CSMD3: variants seen among roughly 807,000 people sequenced by gnomAD.
CSMD3 encodes CUB and sushi domain-containing protein 3.
In CSMD3, 177 loss-of-function variants were observed where a neutral mutation model predicts 435.2. The ratio of observed to expected loss-of-function variants is 0.41; its 90% CI spans 0.36 to 0.46. The LOEUF (loss-of-function observed/expected upper bound fraction) is 0.46, where lower values mean the gene tolerates loss of function less well. Ranked by LOEUF, CSMD3 falls within the 20% of genes least tolerant of loss-of-function variation. The pLI, the probability that CSMD3 is intolerant of heterozygous loss-of-function variation, is 0.34. For missense variants in CSMD3, 4,265 were observed against 4,504.6 expected, an observed-to-expected ratio of 0.95 and a Z score of 1.52; for synonymous variants, 1,656 against 1,520.5, an observed-to-expected ratio of 1.09 and a Z score of -2.07.
intron 24 of CSMD3, among the ~76,000 whole-genome samples, chr8:112,561,117 G>T (rs969686508): frequency 1.3e-5 from 2 of 151,614 alleles, no homozygotes; most frequent in African/African-American, 2.4e-5. Context: ...ACATAATTTT[G>T]TCCAAATTGG....
chr8:112,363,927 T>C (rs1827502732), intron 38 of CSMD3, among the ~76,000 whole-genome samples: 1 of 152,060 alleles, frequency 6.6e-6, no homozygotes, highest in African/African-American at 2.4e-5. Context: ...TTATGAATGT[T>C]GATGTGCATA....
intron 10 of CSMD3, among the ~76,000 whole-genome samples, chr8:112,897,694 C>CTGTGTGTGTGTGTG (rs375797134): frequency 3.4e-3 from 313 of 91,018 alleles, no homozygotes; most frequent in African/African-American, 0.013. Flanking sequence ...CTCTCTCTCT[C>CTGTGTGTGTGTGTG]TGTGTGTGTG....
chr8:113,377,301 T>G, intron 1 of CSMD3: 1 of 204,488 alleles, frequency 4.9e-6, no homozygotes, highest in Non-Finnish European at 9.7e-6. Flanking sequence ...AATAAAGAAG[T>G]TTACCTTCAT....
chr8:112,783,214 A>C (rs1387493665), intron 13 of CSMD3, among the ~76,000 whole-genome samples: 1 of 151,820 alleles, frequency 6.6e-6, no homozygotes, highest in Admixed American at 6.6e-5. Context: ...AGTTTTTATC[A>C]GTTTTCTTTC....
intron 30 of CSMD3, among the ~76,000 whole-genome samples, chr8:112,498,498 G>T (rs1313859601): frequency 6.6e-6 from 1 of 152,072 alleles, no homozygotes; most frequent in Non-Finnish European, 1.5e-5. Flanking sequence ...TTTAGTAAGG[G>T]CTACATGGTG....
At chr8:112,260,986 C>A (rs2130349735) in intron 61 of CSMD3, among the ~76,000 whole-genome samples, 1 of 152,176 alleles carries the variant, frequency 6.6e-6, no homozygotes, top group African/African-American at 2.4e-5. Context: ...ATTACAGTAC[C>A]TAGAAGGAGC....
chr8:112,545,355 C>A lies in CSMD3; in HGVS notation c.4564+5316G>T, dbSNP rs368199879. On this transcript the variant is annotated intron_variant, in intron 27 of 70. Transcript: ENST00000297405. ...AAAATTATCTGGGCCTGGTGGCACG[C>A]GCCTGTAATCCCAGCTATTCGGGAG... is the stretch of plus-strand genomic sequence containing the variant. Among the ~76,000 whole-genome samples the A allele has an allele frequency of 1.8e-4, 28 of 151,376 alleles. No homozygotes were observed. The East Asian group carries it at 4.9e-3, about 26-fold the overall frequency.
intron 9 of CSMD3, among the ~76,000 whole-genome samples, chr8:112,935,082 T>C (rs192699987): frequency 2.0e-5 from 3 of 152,216 alleles, no homozygotes; most frequent in African/African-American, 7.2e-5. Context: ...ATTTTTGATG[T>C]GAGATAAGGG....
At chr8:112,728,031 A>T (rs1395882677) in intron 13 of CSMD3, among the ~76,000 whole-genome samples, 1 of 151,872 alleles carries the variant, frequency 6.6e-6, no homozygotes, top group East Asian at 1.9e-4. Flanking sequence ...TCCAACAGGC[A>T]TTTTCTTGTT....
intron 39 of CSMD3, among the ~76,000 whole-genome samples, chr8:112,352,134 T>TAAAAGACTTTAATCTA (rs1365999168): frequency 9.2e-5 from 14 of 152,156 alleles, no homozygotes; most frequent in African/African-American, 3.4e-4. Flanking sequence ...ATTTTTACTT[T>TAAAAGACTTTAATCTA]AAAAGACTTT....
rs187505728 is a variant in CSMD3 at position 112,968,561 on chromosome 8, G to C, written c.1342+7276C>G. Among the ~76,000 whole-genome samples the C allele has an allele frequency of 3.6e-3, 546 of 151,828 alleles. 7 individuals carry two copies. The highest frequency in any genetic ancestry group is 0.013 in the African/African-American group (522 of 41,496). On this transcript the variant is annotated intron_variant, in intron 7 of 70. Coordinates refer to ENST00000297405, the MANE Select transcript of CSMD3 (RefSeq NM_198123.2). ...ACACTAAATTCTACAACCTATGCCAGAGGACAGATTTAATCTCTCTTACAC... is the reference window on the plus strand; with the variant it reads ...ACACTAAATTCTACAACCTATGCCACAGGACAGATTTAATCTCTCTTACAC...
chr8:112,649,096 G>T (rs1277564309), intron 19 of CSMD3, among the ~76,000 whole-genome samples: 1 of 152,202 alleles, frequency 6.6e-6, no homozygotes, highest in Non-Finnish European at 1.5e-5. Flanking sequence ...AAGCCTGTCT[G>T]CAGCGTAAGA....
chr8:112,699,064 T>C (rs1312589720), intron 13 of CSMD3, among the ~76,000 whole-genome samples: 1 of 152,046 alleles, frequency 6.6e-6, no homozygotes, highest in Non-Finnish European at 1.5e-5. Context: ...AGGATGTGGG[T>C]GGGGCCAAAT....
At chr8:112,916,878 G>A (rs1422072950) in intron 10 of CSMD3, among the ~76,000 whole-genome samples, 1 of 151,862 alleles carries the variant, frequency 6.6e-6, no homozygotes, top group Non-Finnish European at 1.5e-5. Context: ...GGGTCACTGA[G>A]CTAAACACTG....
intron 13 of CSMD3, among the ~76,000 whole-genome samples, chr8:112,745,196 T>C (rs2077399273): frequency 6.6e-6 from 1 of 151,968 alleles, no homozygotes; most frequent in Non-Finnish European, 1.5e-5. Flanking sequence ...CTGTTGAGTG[T>C]TTTCTCAAGA....
At chr8:112,652,061 C>T (rs1477840039) in intron 18 of CSMD3, among the ~76,000 whole-genome samples, 3 of 152,100 alleles carry the variant, frequency 2.0e-5, no homozygotes, top group South Asian at 2.1e-4. Context: ...GTTGGACATA[C>T]GTATAGCCAA....
At chr8:112,967,596 C>T (rs375773084) in intron 7 of CSMD3, among the ~76,000 whole-genome samples, 2 of 151,922 alleles carry the variant, frequency 1.3e-5, no homozygotes, top group East Asian at 3.9e-4. Flanking sequence ...TAAATTTTAA[C>T]TCCCCAGAGT....
intron 66 of CSMD3, among the ~76,000 whole-genome samples, chr8:112,240,817 A>C (rs1280639134): frequency 6.6e-6 from 1 of 152,074 alleles, no homozygotes; most frequent in African/African-American, 2.4e-5. Context: ...TTCTCTTGGT[A>C]GTAAATAAGT....
At chr8:112,872,582 T>C (rs1467890252) in intron 10 of CSMD3, among the ~76,000 whole-genome samples, 4 of 152,008 alleles carry the variant, frequency 2.6e-5, no homozygotes, top group Non-Finnish European at 5.9e-5. Flanking sequence ...TCTAGTTCTT[T>C]GTTGTTTAAA....
Sources: allele counts gnomAD v4.1 joint callset (sites outside exome capture counted in the v4.1 genomes callset), GRCh38; gene constraint gnomAD v4.1.1; transcripts MANE v1.5; gene names NCBI Gene and HGNC (gene_info 2026-07-23, HGNC 2026-07-21).